Variants in PRKCZ observed in about 807,000 individuals in gnomAD.
PRKCZ encodes the protein protein kinase C zeta type.
PRKCZ carries 33 observed loss-of-function variants against 79.5 expected under a neutral mutation model. The ratio of observed to expected loss-of-function variants is 0.41; its 90% CI spans 0.31 to 0.55. PRKCZ has a LOEUF of 0.55. Among genes scored for constraint, PRKCZ ranks in the 20% least tolerant of loss-of-function variants. PRKCZ has a pLI of 0.19. For missense variants in PRKCZ, 578 were observed against 813.5 expected (o/e 0.71, Z 3.52); for synonymous variants, 342 against 320.9 (o/e 1.07, Z -0.70).
intron 4 of PRKCZ, among the ~76,000 whole-genome samples, chr1:2,080,337 C>T (rs187858012): frequency 3.3e-5 from 5 of 152,062 alleles, no homozygotes; most frequent in Admixed American, 3.3e-4. Context: ...TGCGCGTGGA[C>T]GTGGCGGTGC....
intron 4 of PRKCZ, among the ~76,000 whole-genome samples, chr1:2,079,637 TG>T (rs1318848275): frequency 2.0e-5 from 3 of 152,256 alleles, no homozygotes; most frequent in African/African-American, 7.2e-5. Flanking sequence ...GCCACAACGC[TG>T]GCCCCGCGGC....
intron 10 of PRKCZ, among the ~76,000 whole-genome samples, chr1:2,159,499 CA>C (rs1315034864): frequency 6.6e-6 from 1 of 152,238 alleles, no homozygotes; most frequent in Non-Finnish European, 1.5e-5. Context: ...GGGCCATATC[CA>C]GGGGGAACCT....
chr1:2,102,567 C>T (rs530605082), intron 4 of PRKCZ, among the ~76,000 whole-genome samples: 222 of 152,132 alleles, frequency 1.5e-3, no homozygotes, highest in African/African-American at 4.2e-3. Flanking sequence ...CTCCTGACCT[C>T]GTGATCCGCC....
chr1:2,152,823 CCT>C (rs1280809019), intron 9 of PRKCZ, among the ~76,000 whole-genome samples: 6 of 152,376 alleles, frequency 3.9e-5, no homozygotes, highest in Non-Finnish European at 8.8e-5. Context: ...CTCAGGCCTT[CCT>C]CTCTCTGCCT....
chr1:2,135,927 G>A (rs1676107883), intron 5 of PRKCZ, among the ~76,000 whole-genome samples: 1 of 152,190 alleles, frequency 6.6e-6, no homozygotes, highest in Non-Finnish European at 1.5e-5. Context: ...GTTTCACAGT[G>A]GAAGGGGAGG....
At chr1:2,088,930 A>G (rs1261822415) in intron 4 of PRKCZ, among the ~76,000 whole-genome samples, 1 of 152,202 alleles carries the variant, frequency 6.6e-6, no homozygotes, top group Non-Finnish European at 1.5e-5. Flanking sequence ...TGAGCCTGTC[A>G]CTTTTGTTTT....
rs1450421578 is a variant in PRKCZ at position 2,124,211 on chromosome 1, GTAGTTAGCGTCAC to G, written c.335-11050_335-11038del. ...CACGGCTGTAGTTAGGGTCACGGCT[GTAGTTAGCGTCAC>G]GGTGGTGGTTAGGGTCACGGTGGTG... On this transcript the variant is annotated intron_variant, in intron 4 of 17. Transcript: ENST00000378567. Among the ~76,000 whole-genome samples, 2 of 122,214 alleles carry G rather than the reference GTAGTTAGCGTCAC, an allele frequency of 1.6e-5. 1 individual carries two copies. Among genetic ancestry groups the G allele is most frequent in the African/African-American group, 7.0e-5 (2 of 28,446 alleles). 80.2% of individuals were successfully genotyped at this position (122,214 alleles called of 152,430 possible). A position where few individuals can be genotyped will look rare whatever the true frequency, so the allele number is the denominator to read the frequency against.
At chr1:2,163,366 A>T (rs1682690375) in intron 10 of PRKCZ, among the ~76,000 whole-genome samples, 1 of 152,150 alleles carries the variant, frequency 6.6e-6, no homozygotes, top group South Asian at 2.1e-4. Flanking sequence ...GCTGTTGGAG[A>T]CGGGAACGGA....
chr1:2,105,416 T>A (rs1668212574), intron 4 of PRKCZ, among the ~76,000 whole-genome samples: 1 of 152,216 alleles, frequency 6.6e-6, no homozygotes, highest in Non-Finnish European at 1.5e-5. Context: ...TTTATTTATT[T>A]TTTGAGACAG....
At chr1:2,137,871 T>A (rs1571736712) in intron 5 of PRKCZ, among the ~76,000 whole-genome samples, 1 of 152,058 alleles carries the variant, frequency 6.6e-6, no homozygotes, top group African/African-American at 2.4e-5. Flanking sequence ...GCTGTGGAGG[T>A]ACAGCCCTTC....
intron 4 of PRKCZ, chr1:2,074,068 G>T: frequency 3.4e-6 from 5 of 1,479,256 alleles, no homozygotes; most frequent in Non-Finnish European, 4.5e-6. Context: ...CTGCCTGTGC[G>T]CTGCACAGAT....
rs573018168 is a variant in PRKCZ, at chr1:2,173,805, G to T, written c.1286-92G>T. 13 of 1,492,172 alleles carry T rather than the reference G, an allele frequency of 8.7e-6. No individual in the cohort carries two copies. The highest frequency in any genetic ancestry group is 4.4e-5 in the Admixed American group (2 of 45,904). The allele number at this position is 1,492,172 out of a possible 1,614,324, so 92.4% of individuals were successfully genotyped here. On this transcript the variant is annotated intron_variant, in intron 13 of 17. Transcript: ENST00000378567. This position sits in a 1 kb window ranked among gnomAD's most constrained non-coding sequence, Gnocchi z 5.7. The stretch of plus-strand genomic sequence containing the variant: ...CTGCTCAAGCCTGGCTCACACTCGT[G>T]TCAACTGGGCATGAAAACCAACGCC...
At position 2,082,837 on chromosome 1, in the gene PRKCZ, G is replaced by A. The variant is rs571067203; in HGVS notation, c.334+23246G>A. On this transcript the variant is annotated intron_variant, in intron 4 of 17. Transcript: ENST00000378567. This position sits in a 1 kb window ranked among gnomAD's most constrained non-coding sequence, Gnocchi z 4.4. ...AGTAGCAGGGAGAGGGTGGAGGGGCGGCCAAGGGCGTGAGGGAGAGGGTGG... is the reference window on the plus strand; with the variant it reads ...AGTAGCAGGGAGAGGGTGGAGGGGCAGCCAAGGGCGTGAGGGAGAGGGTGG... Among the ~76,000 whole-genome samples the A allele has an allele frequency of 1.3e-4, 19 of 151,932 alleles. No individual in the cohort carries two copies. Among genetic ancestry groups the A allele is most frequent in the Admixed American group, 5.2e-4 (8 of 15,274 alleles).
chr1:2,084,987 T>C (rs1254337166), intron 4 of PRKCZ, among the ~76,000 whole-genome samples: 1 of 149,842 alleles, frequency 6.7e-6, no homozygotes, highest in African/African-American at 2.5e-5. Context: ...CCAGCCTGGG[T>C]GACAGAGTGA....
chr1:2,121,357 G>C (rs974789788), intron 4 of PRKCZ, among the ~76,000 whole-genome samples: 1 of 152,052 alleles, frequency 6.6e-6, no homozygotes, highest in African/African-American at 2.4e-5. Context: ...GACTGAGTGT[G>C]TGTCTCCCCA....
At chr1:2,180,585 G>A (rs562402716) in intron 16 of PRKCZ, among the ~76,000 whole-genome samples, 9 of 152,124 alleles carry the variant, frequency 5.9e-5, no homozygotes, top group Admixed American at 2.0e-4. Flanking sequence ...TGACCTGGAC[G>A]CACGGACGAC....
At chr1:2,181,976 T>C in intron 16 of PRKCZ, 1 of 411,476 alleles carries the variant, frequency 2.4e-6, no homozygotes, top group South Asian at 1.7e-5. Context: ...CCCAGCACCG[T>C]CTCCTCCACC....
At chr1:2,161,476 G>A (rs151089576) in intron 10 of PRKCZ, among the ~76,000 whole-genome samples, 3,292 of 152,334 alleles carry the variant, frequency 0.022, 46 homozygotes, top group Middle Eastern at 0.065. Flanking sequence ...AGGGGCCCTC[G>A]GGGACCCCCA....
At chr1:2,166,735 CCCCCCA>C (rs1683400303) in intron 10 of PRKCZ, among the ~76,000 whole-genome samples, 1 of 152,114 alleles carries the variant, frequency 6.6e-6, no homozygotes, top group East Asian at 1.9e-4. Flanking sequence ...GCACCTTCAG[CCCCCCA>C]CCCCCACCCC....
Sources: allele counts gnomAD v4.1 joint callset (sites outside exome capture counted in the v4.1 genomes callset), GRCh38; gene constraint gnomAD v4.1.1; non-coding constraint Gnocchi (gnomAD v3.1); transcripts MANE v1.5; gene names NCBI Gene and HGNC (gene_info 2026-07-23, HGNC 2026-07-21).